DRC8: variants seen among roughly 807,000 people sequenced by gnomAD.
DRC8 encodes the protein dynein regulatory complex protein 8.
the DRC8 span, among the ~76,000 whole-genome samples, chr1:245,121,024 A>C: frequency 2.6e-5 from 4 of 152,262 alleles, no homozygotes; most frequent in Non-Finnish European, 4.4e-5. Context: ...TATTTAGGGC[A>C]AATACAGTTC....
chr1:245,035,069 G>A, the DRC8 span, among the ~76,000 whole-genome samples: 1 of 151,974 alleles, frequency 6.6e-6, no homozygotes, highest in Non-Finnish European at 1.5e-5. Flanking sequence ...AATACAATTT[G>A]CCAGAACCAG....
chr1:245,059,535 C>A, the DRC8 span: 7 of 1,329,130 alleles, frequency 5.3e-6, no homozygotes, highest in Non-Finnish European at 6.3e-6. Flanking sequence ...ACAATCCTTA[C>A]CGGAAACTAA....
chr1:245,098,852 C>G, the DRC8 span, among the ~76,000 whole-genome samples: 11 of 152,192 alleles, frequency 7.2e-5, no homozygotes, highest in Non-Finnish European at 1.5e-4. Flanking sequence ...GAACGGAGTT[C>G]GATCCAGCGG....
chr1:245,088,930 C>G, the DRC8 span, among the ~76,000 whole-genome samples: 3 of 152,098 alleles, frequency 2.0e-5, no homozygotes, highest in Admixed American at 6.6e-5. This position sits in a 1 kb window ranked among gnomAD's most constrained non-coding sequence, Gnocchi z 4.6. Context: ...GAGTGGTAAA[C>G]AGGAGCGGTA....
At chr1:244,980,065 A>AAAAAAAAAAAAC in the DRC8 span, among the ~76,000 whole-genome samples, 1 of 142,200 alleles carries the variant, frequency 7.0e-6, no homozygotes, top group Non-Finnish European at 1.6e-5. Flanking sequence ...AAAAAAAAAA[A>AAAAAAAAAAAAC]AAAATTAGCT....
chr1:245,047,763 G>A, the DRC8 span, among the ~76,000 whole-genome samples: 7 of 152,200 alleles, frequency 4.6e-5, no homozygotes, highest in South Asian at 1.5e-3. Flanking sequence ...CTTGAGGTCA[G>A]GAGTTTGAGA....
chr1:244,989,840 G>A, the DRC8 span, among the ~76,000 whole-genome samples: 11 of 152,096 alleles, frequency 7.2e-5, no homozygotes, highest in South Asian at 6.2e-4. Flanking sequence ...TTGGCTTTCC[G>A]TGGTTTTAGT....
the DRC8 span, among the ~76,000 whole-genome samples, chr1:245,115,643 G>C: frequency 6.6e-6 from 1 of 152,206 alleles, no homozygotes; most frequent in Non-Finnish European, 1.5e-5. Context: ...AGGGCTCAAA[G>C]AACCATCGTG....
At chr1:245,099,591 A>T in the DRC8 span, among the ~76,000 whole-genome samples, 625 of 152,320 alleles carry the variant, frequency 4.1e-3, 3 homozygotes, top group African/African-American at 0.015. Flanking sequence ...CTGTTTGTTC[A>T]TGCAAAGCCT....
chr1:245,040,770 T>C, the DRC8 span, among the ~76,000 whole-genome samples: 1 of 152,182 alleles, frequency 6.6e-6, no homozygotes, highest in Non-Finnish European at 1.5e-5. Context: ...AGTGAGGCCC[T>C]GTCTATAAAA....
chr1:245,088,766 A>G, the DRC8 span, among the ~76,000 whole-genome samples: 1 of 152,308 alleles, frequency 6.6e-6, no homozygotes, highest in Non-Finnish European at 1.5e-5. This position sits in a 1 kb window ranked among gnomAD's most constrained non-coding sequence, Gnocchi z 4.6. Context: ...GTAGTTTAGT[A>G]AGTGGGTGGC....
the DRC8 span, among the ~76,000 whole-genome samples, chr1:244,971,897 A>G: frequency 6.6e-6 from 1 of 152,058 alleles, no homozygotes; most frequent in East Asian, 1.9e-4. Context: ...CCTTACATAC[A>G]AAGAAAAGGA....
the DRC8 span, chr1:244,970,572 A>G: frequency 3.3e-6 from 4 of 1,214,156 alleles, no homozygotes; most frequent in African/African-American, 7.0e-5. Flanking sequence ...GGGCGGCCTG[A>G]GGAGGGGGCC....
At chr1:245,003,157 T>C in the DRC8 span, among the ~76,000 whole-genome samples, 16 of 152,360 alleles carry the variant, frequency 1.1e-4, no homozygotes, top group East Asian at 2.9e-3. Context: ...TATACCATTG[T>C]ATGTGTATGC....
At chr1:245,115,553 C>G in the DRC8 span, among the ~76,000 whole-genome samples, 14 of 152,328 alleles carry the variant, frequency 9.2e-5, no homozygotes, top group South Asian at 6.2e-4. Context: ...AGGACTCATT[C>G]ATTCTTTCAG....
the DRC8 span, among the ~76,000 whole-genome samples, chr1:244,999,075 AAAAAAAAG>A: frequency 6.6e-6 from 1 of 151,088 alleles, no homozygotes; most frequent in African/African-American, 2.4e-5. Flanking sequence ...AAAAAAAAAA[AAAAAAAAG>A]AAAGAAAAGG....
At chr1:245,085,882 A>G in the DRC8 span, among the ~76,000 whole-genome samples, 1 of 152,246 alleles carries the variant, frequency 6.6e-6, no homozygotes, top group Non-Finnish European at 1.5e-5. Context: ...GGCAGGATCC[A>G]TGGGTCATGA....
At chr1:245,020,528 A>G in the DRC8 span, among the ~76,000 whole-genome samples, 2 of 151,850 alleles carry the variant, frequency 1.3e-5, no homozygotes, top group Non-Finnish European at 2.9e-5. Flanking sequence ...CTGTGAAGTC[A>G]TAACTATTTT....
At chr1:245,043,453 GAAA>G in the DRC8 span, among the ~76,000 whole-genome samples, 1 of 151,420 alleles carries the variant, frequency 6.6e-6, no homozygotes, top group African/African-American at 2.4e-5. Flanking sequence ...AAAAAAGAAA[GAAA>G]GAAAAAGAAA....
Sources: gnomAD v4.1 joint callset for allele counts (sites outside exome capture counted in the v4.1 genomes callset) on GRCh38, gnomAD v4.1.1 for gene constraint, Gnocchi (gnomAD v3.1) non-coding constraint, MANE v1.5 for transcripts, NCBI Gene and HGNC (gene_info 2026-07-23, HGNC 2026-07-21) for gene names.